Variants in UGT1A10 observed in about 807,000 individuals in gnomAD.
UGT1A10 encodes UDP glucuronosyltransferase family 1 member A10.
UGT1A10 carries 49 observed loss-of-function variants against 45.8 expected under a neutral mutation model. The ratio of observed to expected loss-of-function variants is 1.07; its 90% CI spans 0.85 to 1.36. UGT1A10 has a LOEUF of 1.36. Among genes scored for constraint, UGT1A10 ranks in the 40% most tolerant of loss-of-function variants. The pLI is 0.00. For missense variants in UGT1A10, 745 were observed against 668.6 expected (o/e 1.11, Z -1.26); for synonymous variants, 284 against 249.7 (o/e 1.14, Z -1.29).
chr2:233,768,873 C>T (rs952377610), intron 4 of UGT1A10, among the ~76,000 whole-genome samples: 1 of 151,950 alleles, frequency 6.6e-6, no homozygotes, highest in African/African-American at 2.4e-5. Flanking sequence ...CATGAGCCAG[C>T]GCGTCTGACC....
intron 1 of UGT1A10, chr2:233,682,745 A>T (rs1325702039): frequency 6.2e-7 from 1 of 1,613,790 alleles, no homozygotes; most frequent in African/African-American, 1.3e-5. Context: ...GCCCAATATG[A>T]TCTTCATTGG....
At chr2:233,666,175 CT>C (rs563206394) in intron 1 of UGT1A10, among the ~76,000 whole-genome samples, 3 of 151,928 alleles carry the variant, frequency 2.0e-5, no homozygotes, top group Non-Finnish European at 4.4e-5. Context: ...AGGTGCCAGG[CT>C]TTTTTTTAAT....
At chr2:233,684,108 T>C (rs1313036466) in intron 1 of UGT1A10, among the ~76,000 whole-genome samples, 2 of 152,210 alleles carry the variant, frequency 1.3e-5, no homozygotes, top group Admixed American at 6.5e-5. Flanking sequence ...TTTTATCTAT[T>C]GTTCTGGCTT....
chr2:233,681,563 T>A (rs910755466), intron 1 of UGT1A10, among the ~76,000 whole-genome samples: 5 of 151,690 alleles, frequency 3.3e-5, no homozygotes, highest in African/African-American at 9.7e-5. Flanking sequence ...AATTGCAAAT[T>A]TTTCTTTGTG....
At chr2:233,698,074 C>G (rs535848761) in intron 1 of UGT1A10, among the ~76,000 whole-genome samples, 6 of 152,298 alleles carry the variant, frequency 3.9e-5, no homozygotes, top group African/African-American at 1.2e-4. Context: ...AAACTGGGCT[C>G]TAATGAATGT....
intron 1 of UGT1A10, among the ~76,000 whole-genome samples, chr2:233,681,677 T>G (rs931649702): frequency 3.3e-5 from 5 of 152,144 alleles, no homozygotes; most frequent in African/African-American, 1.2e-4. Flanking sequence ...TCTAAACTCA[T>G]ATTGCAGCAC....
At position 233,655,696 on chromosome 2, in the gene UGT1A10, G is replaced by A. The variant is rs28969698; in HGVS notation, c.855+18319G>A. 4.7e-3 allele frequency among the ~76,000 whole-genome samples: 718 copies of A among 152,288 alleles called. 7 individuals carry two copies. Among genetic ancestry groups the A allele is most frequent in the African/African-American group, 0.016 (668 of 41,568 alleles). ...GTCCTGGTCTCCCTGAAGCAAGGACGCCTCTCTGGCCTCAGGGTGCCTGTC... is the reference window on the plus strand; with the variant it reads ...GTCCTGGTCTCCCTGAAGCAAGGACACCTCTCTGGCCTCAGGGTGCCTGTC... On this transcript the variant is annotated intron_variant, in intron 1 of 4. Transcript: ENST00000344644.
chr2:233,758,423 G>T (rs1305067521), intron 1 of UGT1A10, among the ~76,000 whole-genome samples: 3 of 152,182 alleles, frequency 2.0e-5, no homozygotes, highest in Non-Finnish European at 1.5e-5. Flanking sequence ...ATCTGCAAAT[G>T]AACTCACACA....
chr2:233,721,161 ATT>A lies in UGT1A10; in HGVS notation c.856-45869_856-45868del, dbSNP rs372396731. Reference sequence around the variant, plus strand: ...ATTATTGCAAAGGACACTAAACTTTATTTTTGTTTTTGATCAAACCACAAGAT... The same window carrying A: ...ATTATTGCAAAGGACACTAAACTTTATTTGTTTTTGATCAAACCACAAGAT... On this transcript the variant is annotated intron_variant, in intron 1 of 4. Coordinates refer to ENST00000344644, the MANE Select transcript of UGT1A10 (RefSeq NM_019075.4). Among the ~76,000 whole-genome samples the A allele has an allele frequency of 3.5e-4, 54 of 152,170 alleles. 1 individual carries two copies. In the East Asian group the frequency reaches 0.01, roughly 29 times the overall value.
At chr2:233,722,752 T>C (rs982640918) in intron 1 of UGT1A10, among the ~76,000 whole-genome samples, 1 of 152,282 alleles carries the variant, frequency 6.6e-6, no homozygotes, top group Admixed American at 6.5e-5. Flanking sequence ...TGACTGTCTA[T>C]AAGGCTGTTA....
At chr2:233,735,683 G>A (rs909239593) in intron 1 of UGT1A10, among the ~76,000 whole-genome samples, 11 of 152,010 alleles carry the variant, frequency 7.2e-5, no homozygotes, top group African/African-American at 2.7e-4. Context: ...CTTCCTTTAG[G>A]AGCTCTTGTA....
At chr2:233,659,610 G>A (rs1336060812) in intron 1 of UGT1A10, among the ~76,000 whole-genome samples, 2 of 152,142 alleles carry the variant, frequency 1.3e-5, no homozygotes, top group Non-Finnish European at 2.9e-5. Context: ...GATGGCAGAT[G>A]AGGAAGAGGT....
intron 1 of UGT1A10, chr2:233,718,754 G>A: frequency 3.7e-6 from 6 of 1,612,386 alleles, no homozygotes; most frequent in Non-Finnish European, 5.1e-6. Flanking sequence ...GGTAATTAAG[G>A]CGAAGGAAAC....
At chr2:233,691,459 A>G (rs1559344929) in intron 1 of UGT1A10, 1 of 985,756 alleles carries the variant, frequency 1.0e-6, no homozygotes, top group African/African-American at 1.7e-5. Context: ...CCTGGGCCCC[A>G]GAACACCTCC....
intron 1 of UGT1A10, chr2:233,692,971 C>CT: frequency 6.2e-7 from 1 of 1,611,844 alleles, no homozygotes; most frequent in Non-Finnish European, 8.5e-7. Flanking sequence ...AGTGAAAACT[C>CT]TTTATTACCG....
chr2:233,653,494 C>T (rs1000234022), intron 1 of UGT1A10, among the ~76,000 whole-genome samples: 3 of 152,140 alleles, frequency 2.0e-5, no homozygotes, highest in Non-Finnish European at 4.4e-5. Context: ...ATCTGAAATA[C>T]CATGAAAAAT....
At chr2:233,712,264 CT>C (rs2076222738) in intron 1 of UGT1A10, among the ~76,000 whole-genome samples, 1 of 152,216 alleles carries the variant, frequency 6.6e-6, no homozygotes, top group African/African-American at 2.4e-5. Flanking sequence ...CACATGTGTG[CT>C]TTAGACAGCA....
rs1387531688 is a variant in UGT1A10 at position 233,769,376 on chromosome 2, C to T, written c.1295+937C>T. On this transcript the variant is annotated intron_variant, in intron 4 of 4. Transcript: ENST00000344644. The surrounding 1 kb of genome is among the most constrained non-coding windows in gnomAD (Gnocchi z 4.4). ...AGTGGTGGCCAGTGGTAGATTTCAT[C>T]CGACAATAGATACTGTGTGCATATG... Among the ~76,000 whole-genome samples the T allele has an allele frequency of 6.6e-6, 1 of 152,162 alleles. No homozygotes were observed. The highest frequency in any genetic ancestry group is 1.5e-5 in the Non-Finnish European group (1 of 68,030).
At chr2:233,698,872 C>T (rs1453450954) in intron 1 of UGT1A10, among the ~76,000 whole-genome samples, 1 of 152,262 alleles carries the variant, frequency 6.6e-6, no homozygotes, top group Non-Finnish European at 1.5e-5. Flanking sequence ...GACTTTGCGA[C>T]TTTGACCAAA....
Sources: allele counts gnomAD v4.1 joint callset (sites outside exome capture counted in the v4.1 genomes callset), GRCh38; gene constraint gnomAD v4.1.1; non-coding constraint Gnocchi (gnomAD v3.1); transcripts MANE v1.5; gene names NCBI Gene and HGNC (gene_info 2026-07-23, HGNC 2026-07-21).